The following TMEM106B variants were observed in gnomAD, a reference collection of about 807,000 sequenced individuals.
TMEM106B encodes transmembrane protein 106B.
A neutral mutation model predicts 31.1 loss-of-function variants in TMEM106B; 15 were observed. The ratio of observed to expected loss-of-function variants is 0.48; its 90% confidence interval spans 0.32 to 0.74. The LOEUF (loss-of-function observed/expected upper bound fraction) is 0.74, where lower values mean the gene tolerates loss of function less well. Ranked by LOEUF, TMEM106B falls within the 30% of genes least tolerant of loss-of-function variation. The pLI is 0.03. For synonymous variants in TMEM106B, 126 were observed against 112.5 expected, an observed-to-expected ratio of 1.12 and a Z score of -0.76; for missense variants, 283 against 327.3, an observed-to-expected ratio of 0.86 and a Z score of 1.04.
rs1782097336 is a variant in TMEM106B at position 12,234,799 on chromosome 7, C to A, written c.*2824C>A. 1 of 151,610 alleles carries A rather than the reference C, an allele frequency of 6.6e-6. No individual in the cohort carries two copies. The highest frequency in any genetic ancestry group is 1.5e-5 in the Non-Finnish European group (1 of 67,760). The allele number at this position is 151,610 out of a possible 1,614,324, so 9.4% of individuals were successfully genotyped here. A position where few individuals can be genotyped will look rare whatever the true frequency, so the allele number is the denominator to read the frequency against. ...TAGCACATTGGCCCTTTTTAGAGTTCTTTCCTATGTTTTTCTTACGTGATT... is the reference window on the plus strand; with the variant it reads ...TAGCACATTGGCCCTTTTTAGAGTTATTTCCTATGTTTTTCTTACGTGATT... On this transcript the variant is annotated 3_prime_UTR_variant, in exon 8 of 8. Coordinates refer to ENST00000396668, the MANE Select transcript of TMEM106B (RefSeq NM_001134232.2).
chr7:12,218,310 G>A, intron 2 of TMEM106B, 148 bp from the exon 3 acceptor site: 1 of 486,558 alleles, frequency 2.1e-6, no homozygotes, highest in Non-Finnish European at 3.5e-6. Flanking sequence ...AACTTCTGCT[G>A]GATACTTTCT....
chr7:12,238,034 C>G lies in TMEM106B; in HGVS notation c.*6059C>G, dbSNP rs1192743032. 1 of 152,214 alleles carries G rather than the reference C, an allele frequency of 6.6e-6. No individual in the cohort carries two copies. Among genetic ancestry groups the G allele is most frequent in the Non-Finnish European group, 1.5e-5 (1 of 68,122 alleles). 9.4% of individuals were successfully genotyped at this position (152,214 alleles called of 1,614,324 possible). A position where few individuals can be genotyped will look rare whatever the true frequency, so the allele number is the denominator to read the frequency against. Reference sequence around the variant, plus strand: ...AAGTTTATCACATCTATTGCCTTGTCCTTTCATGAAAGATGTCTCTAGCAT... The same window carrying G: ...AAGTTTATCACATCTATTGCCTTGTGCTTTCATGAAAGATGTCTCTAGCAT... On this transcript the variant is annotated 3_prime_UTR_variant, in exon 8 of 8. Coordinates refer to ENST00000396668, the MANE Select transcript of TMEM106B (RefSeq NM_001134232.2).
intron 2 of TMEM106B, among the ~76,000 whole-genome samples, chr7:12,216,930 G>A (rs1781698262): frequency 1.3e-5 from 2 of 152,102 alleles, no homozygotes; most frequent in South Asian, 4.1e-4. Flanking sequence ...CATAGGAGAT[G>A]TTACATAGAG....
At chr7:12,214,254 G>A (rs2043539) in intron 1 of TMEM106B, 76,171 of 152,060 alleles carry the variant, frequency 0.5, 19,949 homozygotes, top group East Asian at 0.64. Context: ...ATTTTAAGGA[G>A]TAATAAGAGA....
In TMEM106B at chr7:12,238,677, A is replaced by C. The variant is rs919766883; in HGVS notation, c.*6702A>C. 3 of 152,192 alleles carry C rather than the reference A, an allele frequency of 2.0e-5. No individual in the cohort carries two copies. The highest frequency in any genetic ancestry group is 2.0e-4 in the Admixed American group (3 of 15,276). 9.4% of individuals were successfully genotyped at this position (152,192 alleles called of 1,614,324 possible). ...TGCACGTTGTGTTAAGAGGCATGAAAACAACATTAATCTATTTGTACATCA... is the reference window on the plus strand; with the variant it reads ...TGCACGTTGTGTTAAGAGGCATGAACACAACATTAATCTATTTGTACATCA... On this transcript the variant is annotated 3_prime_UTR_variant, in exon 8 of 8. Transcript: ENST00000396668.
At position 12,233,201 on chromosome 7, in the gene TMEM106B, A is replaced by C. The variant is rs971041036; in HGVS notation, c.*1226A>C. The C allele has an allele frequency of 1.4e-5, 2 of 147,132 alleles. No homozygotes were observed. Among genetic ancestry groups the C allele is most frequent in the Non-Finnish European group, 3.0e-5 (2 of 66,766 alleles). The allele number at this position is 147,132 out of a possible 1,614,324, so 9.1% of individuals were successfully genotyped here. A position where few individuals can be genotyped will look rare whatever the true frequency, so the allele number is the denominator to read the frequency against. ...CAAATATAGATTATTGACTTATTCA[A>C]CTTTGCTGTTTTATATTTTCAGTAT... On this transcript the variant is annotated 3_prime_UTR_variant, in exon 8 of 8. Transcript: ENST00000396668.
chr7:12,231,300 A>C (rs1336184665), intron 7 of TMEM106B, 185 bp downstream of exon 7: 2 of 507,072 alleles, frequency 3.9e-6, no homozygotes, highest in Non-Finnish European at 6.9e-6. Context: ...AGAAGTAGTG[A>C]AAGACTACGT....
rs1310776848 is a variant in TMEM106B at position 12,239,128 on chromosome 7, C to T, written c.*7153C>T. On this transcript the variant is annotated 3_prime_UTR_variant, in exon 8 of 8. Transcript: ENST00000396668. ...GATCTTAGCTAGATATTCTGGGTAA[C>T]TTACTGCAGGTTCTCCATCAGCACT... 6.6e-6 allele frequency: 1 copy of T among 152,192 alleles called. No homozygotes were observed. Among genetic ancestry groups the T allele is most frequent in the Non-Finnish European group, 1.5e-5 (1 of 68,022 alleles). The allele number at this position is 152,192 out of a possible 1,614,324, so 9.4% of individuals were successfully genotyped here. A position where few individuals can be genotyped will look rare whatever the true frequency, so the allele number is the denominator to read the frequency against.
chr7:12,221,763 A>G (rs1203680598), intron 3 of TMEM106B, among the ~76,000 whole-genome samples: 2 of 152,206 alleles, frequency 1.3e-5, no homozygotes, highest in Non-Finnish European at 2.9e-5. Flanking sequence ...CTGGGTGTCC[A>G]GAAAGCCAAA....
rs1166502322 is a variant in TMEM106B, at chr7:12,234,721, T to C, written c.*2746T>C. The C allele has an allele frequency of 6.6e-6, 1 of 151,948 alleles. No homozygotes were observed. Among genetic ancestry groups the C allele is most frequent in the African/African-American group, 2.4e-5 (1 of 41,434 alleles). The allele number at this position is 151,948 out of a possible 1,614,324, so 9.4% of individuals were successfully genotyped here. A position where few individuals can be genotyped will look rare whatever the true frequency, so the allele number is the denominator to read the frequency against. ...GGAATAACTTTAAGTTACACCCTAG[T>C]AGACTGGTCATTCTAATAAAATCCA... On this transcript the variant is annotated 3_prime_UTR_variant, in exon 8 of 8. Transcript: ENST00000396668.
chr7:12,231,185 T>C, intron 7 of TMEM106B, 70 bp downstream of exon 7: 1 of 1,206,152 alleles, frequency 8.3e-7, no homozygotes, highest in Non-Finnish European at 1.2e-6. Context: ...TGGCTTATAA[T>C]ATACACAACA....
rs1782070174 is a variant in TMEM106B at position 12,233,521 on chromosome 7, C to T, written c.*1546C>T. 1 of 151,164 alleles carries T rather than the reference C, an allele frequency of 6.6e-6. No homozygotes were observed. Among genetic ancestry groups the T allele is most frequent in the South Asian group, 2.1e-4 (1 of 4,818 alleles). 9.4% of individuals were successfully genotyped at this position (151,164 alleles called of 1,614,324 possible). ...TTCCCCTTAATTTTCATATTATTTT[C>T]TGCAAGTTTTCTTGAGTATCTTCAA... On this transcript the variant is annotated 3_prime_UTR_variant, in exon 8 of 8. Coordinates refer to ENST00000396668, the MANE Select transcript of TMEM106B (RefSeq NM_001134232.2).
At position 12,235,489 on chromosome 7, in the gene TMEM106B, G is replaced by C. The variant is rs1782114224; in HGVS notation, c.*3514G>C. 1 of 151,764 alleles carries C rather than the reference G, an allele frequency of 6.6e-6. No homozygotes were observed. The highest frequency in any genetic ancestry group is 2.4e-5 in the African/African-American group (1 of 41,398). The allele number at this position is 151,764 out of a possible 1,614,324, so 9.4% of individuals were successfully genotyped here. The stretch of plus-strand genomic sequence containing the variant: ...CACACTTCAGATTGTCTGATTTACA[G>C]TTTGGAAAGGACACCGCAATGTTCA... On this transcript the variant is annotated 3_prime_UTR_variant, in exon 8 of 8. Transcript: ENST00000396668.
rs1782085357 is a variant in TMEM106B, at chr7:12,234,245, A to T, written c.*2270A>T. On this transcript the variant is annotated 3_prime_UTR_variant, in exon 8 of 8. Coordinates refer to ENST00000396668, the MANE Select transcript of TMEM106B (RefSeq NM_001134232.2). ...TTAGAGTGCATGATAGTATCTCCTG[A>T]AAAGGATGGAAAGTAGAAGCATTTG... is the stretch of plus-strand genomic sequence containing the variant. 1 of 151,848 alleles carries T rather than the reference A, an allele frequency of 6.6e-6. No homozygotes were observed. The highest frequency in any genetic ancestry group is 1.9e-4 in the East Asian group (1 of 5,202). The allele number at this position is 151,848 out of a possible 1,614,324, so 9.4% of individuals were successfully genotyped here.
rs188441815 is a variant in TMEM106B at position 12,236,216 on chromosome 7, G to A, written c.*4241G>A. On this transcript the variant is annotated 3_prime_UTR_variant, in exon 8 of 8. Transcript: ENST00000396668. ...CATTTGTGTATTTTTGTGCTTAGTC[G>A]GAATACAAATTTCACAGTGGATTTT... 24 of 151,790 alleles carry A rather than the reference G, an allele frequency of 1.6e-4. No homozygotes were observed. The East Asian group carries it at 4.1e-3, about 26-fold the overall frequency. The allele number at this position is 151,790 out of a possible 1,614,324, so 9.4% of individuals were successfully genotyped here.
chr7:12,211,699 T>C (rs1781580140), intron 1 of TMEM106B, among the ~76,000 whole-genome samples: 1 of 152,244 alleles, frequency 6.6e-6, no homozygotes, highest in South Asian at 2.1e-4. Flanking sequence ...CCTTTTGCTG[T>C]TGATGAATGT....
chr7:12,241,405 C>T lies in TMEM106B; in HGVS notation c.*9430C>T, dbSNP rs1191470920. 1 of 152,110 alleles carries T rather than the reference C, an allele frequency of 6.6e-6. No individual in the cohort carries two copies. Among genetic ancestry groups the T allele is most frequent in the African/African-American group, 2.4e-5 (1 of 41,400 alleles). 9.4% of individuals were successfully genotyped at this position (152,110 alleles called of 1,614,324 possible). A position where few individuals can be genotyped will look rare whatever the true frequency, so the allele number is the denominator to read the frequency against. On this transcript the variant is annotated 3_prime_UTR_variant, in exon 8 of 8. Coordinates refer to ENST00000396668, the MANE Select transcript of TMEM106B (RefSeq NM_001134232.2). ...TACTAATGCTATCCCTCCCCTAGCCCCCTACCCCACAAAAGGCCCCAGTGT... is the reference window on the plus strand; with the variant it reads ...TACTAATGCTATCCCTCCCCTAGCCTCCTACCCCACAAAAGGCCCCAGTGT...
At chr7:12,231,367 A>G in intron 7 of TMEM106B, 1 of 381,888 alleles carries the variant, frequency 2.6e-6, no homozygotes, top group Non-Finnish European at 4.7e-6. Context: ...GAAAGGATAC[A>G]GGGAACTGAG....
At chr7:12,213,811 C>A (rs1001937052) in intron 1 of TMEM106B, among the ~76,000 whole-genome samples, 1 of 152,020 alleles carries the variant, frequency 6.6e-6, no homozygotes, top group Admixed American at 6.6e-5. Context: ...TTCTGTAAAC[C>A]AAAAATAAAA....
Sources: allele counts gnomAD v4.1 joint callset (sites outside exome capture counted in the v4.1 genomes callset), GRCh38; gene constraint gnomAD v4.1.1; transcripts MANE v1.5; gene names NCBI Gene and HGNC (gene_info 2026-07-23, HGNC 2026-07-21).